The following KRT5 variants were observed in gnomAD, a reference collection of about 807,000 sequenced individuals.
The protein encoded by KRT5 is keratin, type II cytoskeletal 5.
Under a neutral mutation model 44.0 loss-of-function variants are expected in KRT5, and 17 were observed. That is an observed-to-expected ratio of 0.39 (90% CI 0.26 to 0.58). The LOEUF is 0.58. Ranked by LOEUF, KRT5 falls within the 20% of genes least tolerant of loss-of-function variation. The pLI is 0.61. For synonymous variants in KRT5, 329 were observed against 312.8 expected (o/e 1.05, Z -0.55); for missense variants, 737 against 785.5 (o/e 0.94, Z 0.74).
At chr12:52,516,608 G>A (rs377673721) in intron 7 of KRT5, 29 bp downstream of exon 7, 12 of 1,607,418 alleles carry the variant, frequency 7.5e-6, no homozygotes, top group Admixed American at 1.7e-5. Context: ...TCAGCTGAAG[G>A]CCATCTTGAG....
At chr12:52,519,381 T>C (rs757072151) in intron 1 of KRT5, among the ~76,000 whole-genome samples, 3 of 151,928 alleles carry the variant, frequency 2.0e-5, no homozygotes, top group Non-Finnish European at 4.4e-5. Context: ...CTAGGAGTGC[T>C]GCTTGGAGTG....
At chr12:52,516,607 G>C in intron 7 of KRT5, 30 bp downstream of exon 7, 2 of 1,607,334 alleles carry the variant, frequency 1.2e-6, no homozygotes, top group Non-Finnish European at 1.7e-6. Context: ...ATCAGCTGAA[G>C]GCCATCTTGA....
Position 52,518,205 on chromosome 12 carries a change from C to G in KRT5, c.771-42G>C, listed in dbSNP as rs759726325. ...TGGGAAGTGTTTGTCAGAGGATGAGCAACAGGTAAGGGGTCTTTATTATGC... is the reference window on the plus strand; with the variant it reads ...TGGGAAGTGTTTGTCAGAGGATGAGGAACAGGTAAGGGGTCTTTATTATGC... On this transcript the variant is annotated intron_variant, in intron 2 of 8. Transcript: ENST00000252242. The G allele has an allele frequency of 1.3e-5, 20 of 1,587,564 alleles. No individual in the cohort carries two copies. In the African/African-American group the frequency reaches 1.6e-4, roughly 13 times the overall value.
Position 52,517,231 on chromosome 12 carries a change from T to C in KRT5, c.1094A>G (p.Tyr365Cys), listed in dbSNP as rs1938626013. The C allele has an allele frequency of 2.5e-6, 4 of 1,614,070 alleles. No homozygotes were observed. Residue 365 changes from tyrosine (Y) to cysteine (C), a missense_variant and splice_region_variant, in exon 6 of 9, where the codon TAT (tyrosine) becomes TGT (cysteine). This residue lies in a region of KRT5 where 344 missense variants were observed against 351.6 expected (regional missense o/e 0.98). Transcript: ENST00000252242. Reference protein sequence around the residue: ...TEAESWYQTKYEELQQTAGRH... With the variant: ...TEAESWYQTKCEELQQTAGRH... ...GCCAGCTGTCTGCTGCAGCTCCTCA[T>C]ACTGATGCAGCCAGGAAAGAGGAAA...
Position 52,514,647 on chromosome 12 carries a change from T to G in KRT5, c.*295A>C. 4.8e-6 allele frequency: 2 copies of G among 416,182 alleles called. No homozygotes were observed. The highest frequency in any genetic ancestry group is 3.9e-5 in the East Asian group (1 of 25,590). The allele number at this position is 416,182 out of a possible 1,614,324, so 25.8% of individuals were successfully genotyped here. ...ACCAAAACAAAATTTGGGATTGGGGTGGGGATTCTGTTTTGATGATTTAGA... is the reference window on the plus strand; with the variant it reads ...ACCAAAACAAAATTTGGGATTGGGGGGGGGATTCTGTTTTGATGATTTAGA... On this transcript the variant is annotated 3_prime_UTR_variant, in exon 9 of 9. Transcript: ENST00000252242.
chr12:52,517,348 CT>C, intron 5 of KRT5, 116 bp from the exon 6 acceptor site: 1 of 1,337,610 alleles, frequency 7.5e-7, no homozygotes, highest in Non-Finnish European at 1.1e-6. Context: ...CTGGTTCAGG[CT>C]TTTCCAAGGC....
intron 1 of KRT5, chr12:52,519,406 G>A (rs1047624334): frequency 4.5e-6 from 3 of 663,476 alleles, no homozygotes. Context: ...CCGGCTCAGG[G>A]GTGGCTGCAA....
In KRT5 at chr12:52,519,988, A is replaced by G. The variant is rs1382008264; in HGVS notation, c.309T>C (p.Ser103=). 2 of 1,613,326 alleles carry G rather than the reference A, an allele frequency of 1.2e-6. No individual in the cohort carries two copies. The highest frequency in any genetic ancestry group is 2.7e-5 in the African/African-American group (2 of 74,676). The change falls in exon 1 of 9, where the codon AGT becomes AGC. Residue 103 remains serine (S), a synonymous_variant. Coordinates refer to ENST00000252242, the MANE Select transcript of KRT5 (RefSeq NM_000424.4). ...GGYGFGGGAG[S]GFGFGGGAGG... is the part of the protein sequence containing the mutation. ...CAGCTCCACCGCCGAAACCAAATCC[A>G]CTACCGGCACCACCTCCAAAGCCAT...
At position 52,518,151 on chromosome 12, in the gene KRT5, T is replaced by C; in HGVS notation, c.783A>G (p.Glu261=). 1 of 1,614,226 alleles carries C rather than the reference T, an allele frequency of 6.2e-7. No individual in the cohort carries two copies. ...TCTCAGCAGTGGTACGCTTGTTGAT[T>C]TCATCCTCATACCTGGTGGTGAAAG... ...VEDFKNKYED[E]INKRTTAENE... Residue 261 remains glutamate, a synonymous_variant, in exon 3 of 9, where the codon GAA becomes GAG. Coordinates refer to ENST00000252242, the MANE Select transcript of KRT5 (RefSeq NM_000424.4).
chr12:52,519,561 C>A, intron 1 of KRT5, 181 bp downstream of exon 1: 1 of 730,866 alleles, frequency 1.4e-6, no homozygotes, highest in South Asian at 1.6e-5. Context: ...ATAATTCTCC[C>A]TTCCCAGCTG....
intron 6 of KRT5, 30 bp downstream of exon 6, chr12:52,517,077 C>G: frequency 4.3e-6 from 7 of 1,613,882 alleles, no homozygotes; most frequent in Non-Finnish European, 5.9e-6. Flanking sequence ...ACTCAGGCCC[C>G]TTCCTTGCCC....
At position 52,517,959 on chromosome 12, in the gene KRT5, G is replaced by C; in HGVS notation, c.865C>G (p.Leu289Val). Residue 289 changes from leucine (L) to valine (V), a missense_variant, in exon 4 of 9, where the codon CTG (leucine) becomes GTG (valine). By Grantham distance (32) the Leu-to-Val change is conservative. This residue lies in a region of KRT5 where 59 missense variants were observed against 62.5 expected (regional missense o/e 0.94). Coordinates refer to ENST00000252242, the MANE Select transcript of KRT5 (RefSeq NM_000424.4). ...VDAAYMNKVE[L>V]EAKVDALMDE... ...ATCAGTGCATCAACCTTGGCCTCCA[G>C]CTCCACCTTGTTCATGTAGGCAGCA... The C allele has an allele frequency of 6.2e-7, 1 of 1,614,182 alleles. No homozygotes were observed. Among genetic ancestry groups the C allele is most frequent in the Non-Finnish European group, 8.5e-7 (1 of 1,179,988 alleles).
Position 52,515,754 on chromosome 12 carries a change from T to C in KRT5, c.1474+44A>G, listed in dbSNP as rs781281556. ...GAATTCTGAGTTGGCACTAAATATATCCCATATTATTGTCGTTGTTAATGT... is the reference window on the plus strand; with the variant it reads ...GAATTCTGAGTTGGCACTAAATATACCCCATATTATTGTCGTTGTTAATGT... On this transcript the variant is annotated intron_variant, in intron 8 of 8. Coordinates refer to ENST00000252242, the MANE Select transcript of KRT5 (RefSeq NM_000424.4). 3 of 1,495,660 alleles carry C rather than the reference T, an allele frequency of 2.0e-6. No homozygotes were observed. The African/African-American group carries it at 4.1e-5, about 21-fold the overall frequency. 92.6% of individuals were successfully genotyped at this position (1,495,660 alleles called of 1,614,324 possible). A position where few individuals can be genotyped will look rare whatever the true frequency, so the allele number is the denominator to read the frequency against.
Position 52,514,828 on chromosome 12 carries a change from G to T in KRT5, c.*114C>A. The T allele has an allele frequency of 6.6e-6, 6 of 907,682 alleles. No homozygotes were observed. The highest frequency in any genetic ancestry group is 1.1e-5 in the Non-Finnish European group (6 of 566,736). The allele number at this position is 907,682 out of a possible 1,614,324, so 56.2% of individuals were successfully genotyped here. On this transcript the variant is annotated 3_prime_UTR_variant, in exon 9 of 9. Transcript: ENST00000252242. ...AAGAATGTGGTTCTGCAATTGGCTT[G>T]GTCTAGACTACTCTCCAGAAAAGGA... is the stretch of plus-strand genomic sequence containing the variant.
At chr12:52,518,341 A>T in intron 2 of KRT5, 178 bp from the exon 3 acceptor site, 1 of 702,498 alleles carries the variant, frequency 1.4e-6, no homozygotes. Context: ...CCATTTAAAT[A>T]CTGCTTTCTC....
At chr12:52,516,351 C>T (rs1938609277) in intron 7 of KRT5, 3 of 463,476 alleles carry the variant, frequency 6.5e-6, no homozygotes, top group Non-Finnish European at 8.0e-6. Flanking sequence ...TGAGGTTGAG[C>T]AAAGGACGTG....
chr12:52,517,675 T>G lies in KRT5; in HGVS notation c.1007A>C (p.Asp336Ala). 1 of 1,614,202 alleles carries G rather than the reference T, an allele frequency of 6.2e-7. No individual in the cohort carries two copies. The stretch of plus-strand genomic sequence containing the variant: ...GGCCTTGACCTCAGCGATGATGCTA[T>G]CCAGGTCCAGGTTGCGGTTGTTGTC... ...SMDNNRNLDL[D>A]SIIAEVKAQY... Residue 336 changes from aspartate (D) to alanine (A), a missense_variant, in exon 5 of 9, where the codon GAT (aspartate) becomes GCT (alanine). Asp to Ala is a moderately radical substitution (Grantham distance 126). Around this residue, in one of 5 missense-constraint regions of KRT5, gnomAD observed 344 missense variants for 351.6 expected, o/e 0.98. Coordinates refer to ENST00000252242, the MANE Select transcript of KRT5 (RefSeq NM_000424.4).
chr12:52,515,976 G>A, intron 7 of KRT5, 144 bp from the exon 8 acceptor site: 1 of 722,368 alleles, frequency 1.4e-6, no homozygotes, highest in South Asian at 1.5e-5. Context: ...GTTAAAGGAA[G>A]GGAGAACTCT....
In KRT5 at chr12:52,514,834, G is replaced by T; in HGVS notation, c.*108C>A. The T allele has an allele frequency of 1.0e-6, 1 of 994,494 alleles. No homozygotes were observed. The highest frequency in any genetic ancestry group is 1.4e-5 in the South Asian group (1 of 71,150). 61.6% of individuals were successfully genotyped at this position (994,494 alleles called of 1,614,324 possible). On this transcript the variant is annotated 3_prime_UTR_variant, in exon 9 of 9. Coordinates refer to ENST00000252242, the MANE Select transcript of KRT5 (RefSeq NM_000424.4). ...GTGGTTCTGCAATTGGCTTGGTCTA[G>T]ACTACTCTCCAGAAAAGGATAAAAC...
Sources: gnomAD v4.1 joint callset for allele counts (sites outside exome capture counted in the v4.1 genomes callset) on GRCh38, gnomAD v4.1.1 for gene constraint, gnomAD v4.1.1 regional missense constraint, MANE v1.5 for transcripts, NCBI Gene and HGNC (gene_info 2026-07-23, HGNC 2026-07-21) for gene names.